The following PPIL6 variants were observed in gnomAD, a reference collection of about 807,000 sequenced individuals.
PPIL6 encodes probable inactive peptidyl-prolyl cis-trans isomerase-like 6.
A neutral mutation model predicts 36.8 loss-of-function variants in PPIL6; 39 were observed. The ratio of observed to expected loss-of-function variants is 1.06; its 90% CI spans 0.82 to 1.38. PPIL6 has a LOEUF of 1.38. PPIL6 is among the 40% of genes most tolerant of loss of function. The pLI is 0.00. For missense variants in PPIL6, 368 were observed against 379.1 expected (o/e 0.97, Z 0.24); for synonymous variants, 123 against 134.1 (o/e 0.92, Z 0.57).
chr6:109,423,203 C>T (rs1449800680), intron 5 of PPIL6, among the ~76,000 whole-genome samples: 1 of 152,150 alleles, frequency 6.6e-6, no homozygotes, highest in South Asian at 2.1e-4. Context: ...CCCATCTCTA[C>T]TAAAAATAGA....
chr6:109,419,301 A>G, intron 5 of PPIL6, 58 bp from the exon 6 acceptor site: 1 of 1,185,552 alleles, frequency 8.4e-7, no homozygotes, highest in South Asian at 1.3e-5. Context: ...TTAGGATACA[A>G]TAATGACAGG....
chr6:109,429,948 C>G (rs1006981563), intron 3 of PPIL6, among the ~76,000 whole-genome samples: 12 of 152,242 alleles, frequency 7.9e-5, no homozygotes, highest in African/African-American at 2.9e-4. Flanking sequence ...CCCACAAATT[C>G]TGGCCTCCTT....
In PPIL6 at chr6:109,400,140, C is replaced by T; in HGVS notation, c.719G>A (p.Arg240Lys). Residue 240 changes from arginine to lysine, a missense_variant, in exon 7 of 8, where the codon AGA (arginine) becomes AAA (lysine). Coordinates refer to ENST00000521072, the MANE Select transcript of PPIL6 (RefSeq NM_173672.5). The part of the protein sequence containing the change: ...DENFSVPHNK[R>K]GVLGMANKGR... ...TTTGTTGGCCATTCCAAGTACTCCT[C>T]TTTTATTATGAGGAACTGAAAAGTT... is the stretch of plus-strand genomic sequence containing the variant. 6.2e-7 allele frequency: 1 copy of T among 1,613,232 alleles called. No homozygotes were observed. The highest frequency in any genetic ancestry group is 8.5e-7 in the Non-Finnish European group (1 of 1,179,412).
intron 5 of PPIL6, among the ~76,000 whole-genome samples, chr6:109,425,561 C>T (rs1052476037): frequency 1.3e-5 from 2 of 151,998 alleles, no homozygotes; most frequent in African/African-American, 4.8e-5. Context: ...CCAGCCTGGC[C>T]AACATGGCAA....
chr6:109,417,865 T>C (rs1395553817), intron 6 of PPIL6, among the ~76,000 whole-genome samples: 3 of 152,178 alleles, frequency 2.0e-5, no homozygotes, highest in Non-Finnish European at 4.4e-5. Context: ...AATTACGTAA[T>C]CTTCCCCAAT....
At chr6:109,440,917 C>T, upstream of PPIL6, 2 of 580,970 alleles carry the variant, frequency 3.4e-6, no homozygotes. Flanking sequence ...GGTTGGCGGC[C>T]CGCCTGATTG....
At chr6:109,411,794 T>C (rs990651530) in intron 6 of PPIL6, among the ~76,000 whole-genome samples, 3 of 152,220 alleles carry the variant, frequency 2.0e-5, no homozygotes, top group Non-Finnish European at 2.9e-5. Context: ...GTGGGCCCGT[T>C]ACAACAGGTA....
At chr6:109,436,664 T>G (rs1774463398) in intron 1 of PPIL6, among the ~76,000 whole-genome samples, 1 of 152,100 alleles carries the variant, frequency 6.6e-6, no homozygotes, top group African/African-American at 2.4e-5. Context: ...GAGGTTGCAG[T>G]GAGCAGAGAT....
At chr6:109,417,595 G>GT (rs1374107835) in intron 6 of PPIL6, among the ~76,000 whole-genome samples, 1 of 152,052 alleles carries the variant, frequency 6.6e-6, no homozygotes, top group African/African-American at 2.4e-5. Flanking sequence ...TAAAATTAGT[G>GT]TAATAGTGGT....
intron 6 of PPIL6, among the ~76,000 whole-genome samples, chr6:109,411,870 G>A (rs978397842): frequency 1.3e-5 from 2 of 152,208 alleles, no homozygotes; most frequent in Non-Finnish European, 2.9e-5. Flanking sequence ...GCAGCAAGCA[G>A]TTACAGAAGA....
Position 109,391,356 on chromosome 6 carries a change from T to A in PPIL6, c.*1470A>T. 1 of 130,736 alleles carries A rather than the reference T, an allele frequency of 7.6e-6. No homozygotes were observed. The highest frequency in any genetic ancestry group is 2.9e-5 in the African/African-American group (1 of 34,900). 8.1% of individuals were successfully genotyped at this position (130,736 alleles called of 1,614,324 possible). On this transcript the variant is annotated 3_prime_UTR_variant, in exon 8 of 8. Coordinates refer to ENST00000521072, the MANE Select transcript of PPIL6 (RefSeq NM_173672.5). ...GTCTGGGCAGAGCAGGGGCACAGGG[T>A]AGTGGTGGTAACAGGAGCTGAGCAA...
intron 6 of PPIL6, among the ~76,000 whole-genome samples, chr6:109,409,115 TATG>T (rs1368095317): frequency 1.3e-5 from 2 of 152,212 alleles, no homozygotes; most frequent in African/African-American, 4.8e-5. Flanking sequence ...ATAAAAACCA[TATG>T]ATCATTTCAA....
chr6:109,394,882 C>T (rs1261723207), intron 7 of PPIL6, among the ~76,000 whole-genome samples: 2 of 152,202 alleles, frequency 1.3e-5, no homozygotes, highest in African/African-American at 4.8e-5. Flanking sequence ...CCAGCTCTGA[C>T]TCAGCTTGAA....
chr6:109,430,392 C>A (rs1774068815), intron 3 of PPIL6, among the ~76,000 whole-genome samples: 1 of 152,106 alleles, frequency 6.6e-6, no homozygotes, highest in Admixed American at 6.5e-5. Flanking sequence ...CCCACTGGCA[C>A]AGCCTGTCTG....
chr6:109,422,078 A>G (rs1773576799), intron 5 of PPIL6, among the ~76,000 whole-genome samples: 1 of 152,030 alleles, frequency 6.6e-6, no homozygotes, highest in South Asian at 2.1e-4. Flanking sequence ...GGGTTTCACC[A>G]TATTGGCCAG....
chr6:109,425,749 CAAAAAAAAA>C (rs34275471), intron 5 of PPIL6, among the ~76,000 whole-genome samples: 1 of 103,676 alleles, frequency 9.6e-6, no homozygotes, highest in African/African-American at 3.6e-5. Context: ...GACTCCGTTT[CAAAAAAAAA>C]AAAAAAAAAA....
intron 1 of PPIL6, among the ~76,000 whole-genome samples, chr6:109,438,408 T>C (rs1452320955): frequency 6.6e-6 from 1 of 150,802 alleles, no homozygotes; most frequent in African/African-American, 2.4e-5. Flanking sequence ...GAGACCCCCA[T>C]CTCTTCCAAA....
chr6:109,437,341 G>A (rs1774501003), intron 1 of PPIL6, among the ~76,000 whole-genome samples: 1 of 152,114 alleles, frequency 6.6e-6, no homozygotes, highest in South Asian at 2.1e-4. Context: ...GAGGGTGCTG[G>A]CCTAGCACAG....
chr6:109,434,396 C>G (rs976278209), intron 2 of PPIL6, among the ~76,000 whole-genome samples: 2 of 151,452 alleles, frequency 1.3e-5, no homozygotes, highest in Admixed American at 6.6e-5. Flanking sequence ...TTTCTACAAA[C>G]AAAGAAAAAA....
Sources: gnomAD v4.1 joint callset for allele counts (sites outside exome capture counted in the v4.1 genomes callset) on GRCh38, gnomAD v4.1.1 for gene constraint, MANE v1.5 for transcripts, NCBI Gene and HGNC (gene_info 2026-07-23, HGNC 2026-07-21) for gene names.